Variants in GTF2H3 observed in about 807,000 individuals in gnomAD.
GTF2H3 encodes TFIIH basal transcription factor complex p34 subunit.
GTF2H3 carries 42 observed loss-of-function variants against 51.1 expected under a neutral mutation model. That is an observed-to-expected ratio of 0.82 (90% CI 0.64 to 1.06). GTF2H3 has a LOEUF of 1.06. Ranked by LOEUF, GTF2H3 falls within the 50% of genes least tolerant of loss-of-function variation. The pLI, the probability that GTF2H3 is intolerant of heterozygous loss-of-function variation, is 0.00. For missense variants in GTF2H3, 326 were observed against 366.1 expected, an observed-to-expected ratio of 0.89 and a Z score of 0.89; for synonymous variants, 123 against 123.8, an observed-to-expected ratio of 0.99 and a Z score of 0.04.
chr12:123,643,997 AT>A (rs1313709313), intron 2 of GTF2H3, among the ~76,000 whole-genome samples: 34 of 151,890 alleles, frequency 2.2e-4, no homozygotes, highest in Non-Finnish European at 3.4e-4. Context: ...CGCCCAGCTA[AT>A]TTTTGTATTT....
intron 4 of GTF2H3, chr12:123,650,587 A>G (rs926418624): frequency 1.6e-4 from 25 of 155,556 alleles, no homozygotes; most frequent in Non-Finnish European, 3.0e-4. Flanking sequence ...TTTACTTACC[A>G]TAAAATTTAC....
Position 123,660,763 on chromosome 12 carries a change from A to G in GTF2H3, c.*528A>G, listed in dbSNP as rs1284135013. On this transcript the variant is annotated 3_prime_UTR_variant, in exon 13 of 13. Transcript: ENST00000543341. ...TTTGCAGATATTTACTTTTTGTCTG[A>G]TATCAGTACATATTTGGACAAAGTC... 1 of 152,392 alleles carries G rather than the reference A, an allele frequency of 6.6e-6. No individual in the cohort carries two copies. The highest frequency in any genetic ancestry group is 1.5e-5 in the Non-Finnish European group (1 of 68,192). The allele number at this position is 152,392 out of a possible 1,614,324, so 9.4% of individuals were successfully genotyped here.
intron 1 of GTF2H3, among the ~76,000 whole-genome samples, chr12:123,635,437 G>A (rs1216851901): frequency 6.6e-6 from 1 of 151,996 alleles, no homozygotes; most frequent in African/African-American, 2.4e-5. Context: ...ACCGGACAAG[G>A]TGGCGCACAC....
intron 1 of GTF2H3, among the ~76,000 whole-genome samples, chr12:123,637,615 G>T (rs1242745563): frequency 6.6e-6 from 1 of 150,614 alleles, no homozygotes; most frequent in East Asian, 2.0e-4. Context: ...TGATTCTCCT[G>T]CCTCAGCCTC....
intron 2 of GTF2H3, among the ~76,000 whole-genome samples, chr12:123,645,015 G>C (rs971798836): frequency 1.3e-5 from 2 of 152,166 alleles, no homozygotes; most frequent in African/African-American, 4.8e-5. Flanking sequence ...CTTTGGAGGA[G>C]GGGAGCTCCT....
intron 5 of GTF2H3, 199 bp downstream of exon 5, chr12:123,651,255 A>C: frequency 2.4e-6 from 1 of 421,838 alleles, no homozygotes; most frequent in Non-Finnish European, 4.4e-6. Flanking sequence ...CTGTCGCCCA[A>C]GTTGGAGTGC....
intron 2 of GTF2H3, among the ~76,000 whole-genome samples, chr12:123,642,095 C>T (rs1448180070): frequency 6.6e-6 from 1 of 152,052 alleles, no homozygotes; most frequent in Admixed American, 6.6e-5. Context: ...CTCAAGTGAT[C>T]CTCCCGCCTC....
intron 2 of GTF2H3, among the ~76,000 whole-genome samples, chr12:123,642,698 T>C (rs769928122): frequency 6.6e-6 from 1 of 152,182 alleles, no homozygotes; most frequent in Non-Finnish European, 1.5e-5. Context: ...TTCCCCATGT[T>C]CTTATTGTCA....
intron 3 of GTF2H3, among the ~76,000 whole-genome samples, chr12:123,646,002 T>C (rs576735089): frequency 6.6e-6 from 1 of 152,312 alleles, no homozygotes; most frequent in South Asian, 2.1e-4. Context: ...ATTTTTCTTA[T>C]AACGTTGGCT....
chr12:123,642,875 ACT>A (rs562494504), intron 2 of GTF2H3, among the ~76,000 whole-genome samples: 281 of 151,846 alleles, frequency 1.9e-3, no homozygotes, highest in African/African-American at 6.5e-3. Flanking sequence ...CTGAAACCAT[ACT>A]CTTTTTTCTT....
In GTF2H3 at chr12:123,652,753, T is replaced by C; in HGVS notation, c.486+18T>C. ...GGATATTGGTAAGATAAAAAAATCA[T>C]TACTTTTTTATATGACAACTATAAT... On this transcript the variant is annotated intron_variant, in intron 7 of 12. Coordinates refer to ENST00000543341, the MANE Select transcript of GTF2H3 (RefSeq NM_001516.5). 1 of 1,473,976 alleles carries C rather than the reference T, an allele frequency of 6.8e-7. No individual in the cohort carries two copies. Among genetic ancestry groups the C allele is most frequent in the Non-Finnish European group, 9.2e-7 (1 of 1,092,372 alleles). The allele number at this position is 1,473,976 out of a possible 1,614,324, so 91.3% of individuals were successfully genotyped here.
Position 123,641,527 on chromosome 12 carries a change from G to GTTT in GTF2H3, c.93+2193_93+2195dup, listed in dbSNP as rs112546170. 7.2e-4 allele frequency among the ~76,000 whole-genome samples: 93 copies of GTTT among 128,490 alleles called. 6 individuals are homozygous for GTTT. The highest frequency in any genetic ancestry group is 2.9e-3 in the African/African-American group (84 of 29,324). 84.3% of individuals were successfully genotyped at this position (128,490 alleles called of 152,430 possible). ...AGGCATGAGCCACGTGTCTGCCCCC[G>GTTT]TTTTTTTTTTTGTGTGTTTTTTTTT... On this transcript the variant is annotated intron_variant, in intron 2 of 12. Transcript: ENST00000543341.
chr12:123,659,179 G>C (rs2135802051), intron 9 of GTF2H3, among the ~76,000 whole-genome samples: 1 of 152,206 alleles, frequency 6.6e-6, no homozygotes, highest in African/African-American at 2.4e-5. Flanking sequence ...GAATTACCAT[G>C]TGACTGGGGA....
intron 2 of GTF2H3, among the ~76,000 whole-genome samples, chr12:123,643,350 A>G (rs1010850165): frequency 1.3e-5 from 2 of 152,182 alleles, no homozygotes; most frequent in Admixed American, 6.5e-5. Flanking sequence ...ATTCGTATGT[A>G]CTTGTGTACA....
chr12:123,653,974 AAGT>A (rs1276932817), intron 7 of GTF2H3, among the ~76,000 whole-genome samples: 1 of 152,192 alleles, frequency 6.6e-6, no homozygotes, highest in Non-Finnish European at 1.5e-5. Context: ...GAAATTTATG[AAGT>A]CCGCAAGGAG....
In GTF2H3 at chr12:123,655,789, T is replaced by A. The variant is rs777755494; in HGVS notation, c.580T>A (p.Cys194Ser). The A allele has an allele frequency of 8.2e-6, 13 of 1,593,004 alleles. No homozygotes were observed. Among genetic ancestry groups the A allele is most frequent in the Non-Finnish European group, 1.0e-5 (12 of 1,161,406 alleles). Residue 194 changes from cysteine (C) to serine (S), a missense_variant, in exon 9 of 13, where the codon TGT (cysteine) becomes AGT (serine). Coordinates refer to ENST00000543341, the MANE Select transcript of GTF2H3 (RefSeq NM_001516.5). ...AQKQNILIDA[C>S]VLDSDSGLLQ... ...CTTTTAGAATATTTTGATTGATGCC[T>A]GTGTTTTAGACTCCGACTCAGGGCT... is the stretch of plus-strand genomic sequence containing the variant.
chr12:123,651,024 T>G lies in GTF2H3; in HGVS notation c.395T>G (p.Leu132Trp), dbSNP rs1205272812. 3 of 1,613,366 alleles carry G rather than the reference T, an allele frequency of 1.9e-6. No individual in the cohort carries two copies. Among genetic ancestry groups the G allele is most frequent in the Non-Finnish European group, 2.5e-6 (3 of 1,179,334 alleles). Residue 132 changes from leucine to tryptophan, a missense_variant, in exon 5 of 13, where the codon TTG becomes TGG. Physicochemically the swap from Leu to Trp is moderately conservative, Grantham distance 61. Transcript: ENST00000543341. ...SDIKGQHTETLLAGSLAKALC... is the reference protein window; with the variant it reads ...SDIKGQHTETWLAGSLAKALC... ...ATAAAGGGTCAACATACAGAAACTT[T>G]GCTGGCAGGATCCCTGGCCAAAGCC...
Position 123,652,517 on chromosome 12 carries a change from TG to T in GTF2H3, c.428-14del. On this transcript the variant is annotated splice_polypyrimidine_tract_variant and intron_variant, in intron 5 of 12. Transcript: ENST00000543341. ...AAAATAATATTTTTGTATTCCTTAA[TG>T]TTAAGAAATTAAGACATTCATAGAA... 1 of 1,341,828 alleles carries T rather than the reference TG, an allele frequency of 7.5e-7. No homozygotes were observed. The highest frequency in any genetic ancestry group is 1.0e-6 in the Non-Finnish European group (1 of 961,842). The allele number at this position is 1,341,828 out of a possible 1,614,324, so 83.1% of individuals were successfully genotyped here.
intron 3 of GTF2H3, among the ~76,000 whole-genome samples, chr12:123,646,079 G>A (rs1398039890): frequency 6.6e-6 from 1 of 152,154 alleles, no homozygotes; most frequent in Non-Finnish European, 1.5e-5. Context: ...TCTAACACTA[G>A]TGTGAAAACT....
Sources: gnomAD v4.1 joint callset for allele counts (sites outside exome capture counted in the v4.1 genomes callset) on GRCh38, gnomAD v4.1.1 for gene constraint, MANE v1.5 for transcripts, NCBI Gene and HGNC (gene_info 2026-07-23, HGNC 2026-07-21) for gene names.